Variants in GPC5 observed in about 807,000 individuals in gnomAD.
The protein encoded by GPC5 is glypican-5.
A neutral mutation model predicts 53.9 loss-of-function variants in GPC5; 47 were observed. That is an observed-to-expected ratio of 0.87 (90% confidence interval 0.69 to 1.11). The LOEUF is 1.11. Ranked by LOEUF, GPC5 falls within the 50% of genes most tolerant of loss-of-function variation. The pLI is 0.00. For missense variants in GPC5, 748 were observed against 713.1 expected (o/e 1.05, Z -0.56); for synonymous variants, 286 against 263.3 (o/e 1.09, Z -0.84).
chr13:92,255,818 T>TA (rs747633288), intron 7 of GPC5, among the ~76,000 whole-genome samples: 3 of 152,152 alleles, frequency 2.0e-5, no homozygotes, highest in African/African-American at 2.4e-5. Flanking sequence ...ATCCATTTTT[T>TA]ATCTCTTTGT....
At chr13:92,575,109 G>GACA (rs1440902518) in intron 7 of GPC5, among the ~76,000 whole-genome samples, 1 of 152,096 alleles carries the variant, frequency 6.6e-6, no homozygotes, top group Non-Finnish European at 1.5e-5. Context: ...GCAAATTTTG[G>GACA]ACAACTAGCA....
At chr13:91,649,494 C>T (rs2034643411) in intron 2 of GPC5, among the ~76,000 whole-genome samples, 1 of 152,138 alleles carries the variant, frequency 6.6e-6, no homozygotes, top group South Asian at 2.1e-4. Flanking sequence ...CTACTAGTTG[C>T]CTCTTTCTGA....
At chr13:91,435,990 A>G (rs188415845) in intron 1 of GPC5, among the ~76,000 whole-genome samples, 11,751 of 152,192 alleles carry the variant, frequency 0.077, 1,457 homozygotes, top group African/African-American at 0.27. Flanking sequence ...TGTTTATAGT[A>G]TTCTCTGATG....
chr13:92,373,384 C>G (rs1415396954), intron 7 of GPC5, among the ~76,000 whole-genome samples: 2 of 152,174 alleles, frequency 1.3e-5, no homozygotes, highest in African/African-American at 2.4e-5. Context: ...ACTATAGATT[C>G]ATGTTCTCTC....
chr13:91,656,975 G>A (rs2034860342), intron 2 of GPC5, among the ~76,000 whole-genome samples: 1 of 152,174 alleles, frequency 6.6e-6, no homozygotes, highest in African/African-American at 2.4e-5. Context: ...TAATGGGAGA[G>A]ACCTGGGAAC....
At chr13:92,049,032 G>C (rs565565439) in intron 6 of GPC5, among the ~76,000 whole-genome samples, 1 of 152,106 alleles carries the variant, frequency 6.6e-6, no homozygotes. Flanking sequence ...AATTAAAAAG[G>C]CCATATGGAT....
intron 7 of GPC5, among the ~76,000 whole-genome samples, chr13:92,259,309 G>A (rs1444091496): frequency 2.0e-5 from 3 of 152,042 alleles, no homozygotes; most frequent in Admixed American, 6.6e-5. Flanking sequence ...TTATGGCTGG[G>A]TGGCCTCCAA....
chr13:92,161,104 G>A (rs1479775543), intron 7 of GPC5, among the ~76,000 whole-genome samples: 1 of 151,160 alleles, frequency 6.6e-6, no homozygotes, highest in East Asian at 1.9e-4. Flanking sequence ...GGGAAAGTCA[G>A]GAAGCATCTT....
chr13:91,697,552 A>G (rs1312498138), intron 3 of GPC5, among the ~76,000 whole-genome samples: 2 of 152,160 alleles, frequency 1.3e-5, no homozygotes, highest in Non-Finnish European at 2.9e-5. Flanking sequence ...AATTGTCTTT[A>G]TGAATGAGAA....
chr13:92,308,461 C>T (rs1039226946), intron 7 of GPC5, among the ~76,000 whole-genome samples: 22 of 152,148 alleles, frequency 1.4e-4, no homozygotes, highest in Admixed American at 6.5e-5. Context: ...TCATTAAACA[C>T]GTTTCTGCAG....
rs541872796 is a variant in GPC5, at chr13:92,459,684, A to G, written c.1561+314695A>G. 1.4e-4 allele frequency among the ~76,000 whole-genome samples: 21 copies of G among 152,284 alleles called. No individual in the cohort carries two copies. In the South Asian group the frequency reaches 3.9e-3, roughly 29 times the overall value. ...GTTCTCAAATTTTTTTGCCTTATTT[A>G]ATAATTTTCTACATGTATGTTTTGT... On this transcript the variant is annotated intron_variant, in intron 7 of 7. Coordinates refer to ENST00000377067, the MANE Select transcript of GPC5 (RefSeq NM_004466.6).
intron 5 of GPC5, among the ~76,000 whole-genome samples, chr13:91,817,603 G>A (rs1220414920): frequency 1.3e-5 from 2 of 152,148 alleles, no homozygotes; most frequent in African/African-American, 2.4e-5. Flanking sequence ...AAAAAAGTAG[G>A]AGACCAAATA....
chr13:92,839,046 C>A (rs1367600061), intron 7 of GPC5, among the ~76,000 whole-genome samples: 1 of 152,226 alleles, frequency 6.6e-6, no homozygotes, highest in Non-Finnish European at 1.5e-5. Context: ...CTAATAGGAA[C>A]TTAAACCACT....
intron 7 of GPC5, among the ~76,000 whole-genome samples, chr13:92,457,725 A>C (rs959707403): frequency 6.6e-6 from 1 of 151,842 alleles, no homozygotes; most frequent in African/African-American, 2.4e-5. Flanking sequence ...AAAATGGCTT[A>C]ATGTTTTATT....
chr13:92,029,157 T>G (rs2040822223), intron 6 of GPC5, among the ~76,000 whole-genome samples: 1 of 152,046 alleles, frequency 6.6e-6, no homozygotes, highest in South Asian at 2.1e-4. Context: ...ATTACACAGG[T>G]AGTGGGGTAA....
At chr13:92,753,186 C>T (rs1383338578) in intron 7 of GPC5, among the ~76,000 whole-genome samples, 3 of 152,152 alleles carry the variant, frequency 2.0e-5, no homozygotes, top group Non-Finnish European at 2.9e-5. Context: ...GACCCCTGAC[C>T]CCCGAGCAGC....
At chr13:92,110,604 G>A (rs775149319) in intron 6 of GPC5, among the ~76,000 whole-genome samples, 4 of 151,894 alleles carry the variant, frequency 2.6e-5, no homozygotes, top group Non-Finnish European at 4.4e-5. Flanking sequence ...CCATTTAGTA[G>A]TTTGTAATTT....
At chr13:92,658,932 T>TG (rs983998265) in intron 7 of GPC5, 8 of 134,008 alleles carry the variant, frequency 6.0e-5, no homozygotes, top group Non-Finnish European at 8.1e-5. Context: ...TTGTTTTTTT[T>TG]TTTTTTTTTT....
chr13:92,368,561 T>C (rs2043624317), intron 7 of GPC5, among the ~76,000 whole-genome samples: 1 of 147,790 alleles, frequency 6.8e-6, no homozygotes, highest in Non-Finnish European at 1.5e-5. Context: ...GGAGAATCGC[T>C]TGAACCTGGG....
Sources: allele counts gnomAD v4.1 joint callset (sites outside exome capture counted in the v4.1 genomes callset), GRCh38; gene constraint gnomAD v4.1.1; transcripts MANE v1.5; gene names NCBI Gene and HGNC (gene_info 2026-07-23, HGNC 2026-07-21).